The following NECTIN3 variants were observed in gnomAD, a reference collection of about 807,000 sequenced individuals.
The protein encoded by NECTIN3 is nectin cell adhesion molecule 3.
NECTIN3 carries 8 observed loss-of-function variants against 49.4 expected under a neutral mutation model. The observed-to-expected ratio is 0.16, with a 90% CI of 0.10 to 0.29. NECTIN3 has a LOEUF of 0.29. NECTIN3 is among the 10% of genes least tolerant of loss of function. The probability of loss-of-function intolerance (pLI) is 1.00; values close to 1 mark genes in which losing one functional copy is unlikely to be tolerated. For missense variants in NECTIN3, 581 were observed against 654.6 expected (o/e 0.89, Z 1.23); for synonymous variants, 277 against 241.1 (o/e 1.15, Z -1.38).
chr3:111,180,803 T>C (rs1206408163), intron 7 of NECTIN3, among the ~76,000 whole-genome samples: 1 of 152,220 alleles, frequency 6.6e-6, no homozygotes, highest in African/African-American at 2.4e-5. Context: ...TGTTGTAAAG[T>C]ATTTATTAAG....
chr3:111,073,137 G>A (rs889072382), intron 1 of NECTIN3: 1 of 152,370 alleles, frequency 6.6e-6, no homozygotes, highest in African/African-American at 2.4e-5. Flanking sequence ...TTGGTGGGAG[G>A]AGGAGTATCA....
rs190964435 is a variant in NECTIN3 at position 111,179,758 on chromosome 3, G to T, written c.1222-12593G>T. On this transcript the variant is annotated intron_variant, in intron 7 of 8. Transcript: ENST00000493615. ...AAATACAAAAAATTAGCTGAGTGTG[G>T]CGGCGGGACCTGTAGTCCAAGCTAC... Among the ~76,000 whole-genome samples, 819 of 152,004 alleles carry T rather than the reference G, an allele frequency of 5.4e-3. 7 individuals carry two copies. The highest frequency in any genetic ancestry group is 0.019 in the African/African-American group (778 of 41,462).
chr3:111,162,340 G>T (rs1425403710), intron 7 of NECTIN3, among the ~76,000 whole-genome samples: 1 of 152,192 alleles, frequency 6.6e-6, no homozygotes, highest in African/African-American at 2.4e-5. Flanking sequence ...GACCTGGTGG[G>T]AGGTAACTGA....
At chr3:111,118,977 T>C (rs1472436521) in intron 3 of NECTIN3, 25 bp downstream of exon 3, 1 of 1,519,000 alleles carries the variant, frequency 6.6e-7, no homozygotes, top group Non-Finnish European at 8.9e-7. Flanking sequence ...ACATTTACTT[T>C]TTAAATATTT....
chr3:111,142,123 C>T (rs865872331), downstream of NECTIN3, among the ~76,000 whole-genome samples: 6 of 151,870 alleles, frequency 4.0e-5, no homozygotes, highest in South Asian at 1.0e-3. Context: ...GATTCGAGCT[C>T]CTCCTTTGCT....
At chr3:111,158,508 C>T (rs564871897) in intron 7 of NECTIN3, among the ~76,000 whole-genome samples, 9 of 152,056 alleles carry the variant, frequency 5.9e-5, no homozygotes, top group Non-Finnish European at 7.4e-5. Context: ...ATGGAAACCA[C>T]AAATACCTTT....
Position 111,112,233 on chromosome 3 carries a change from T to C in NECTIN3, c.364T>C (p.Leu122=). The C allele has an allele frequency of 1.2e-6, 2 of 1,613,890 alleles. No homozygotes were observed. The highest frequency in any genetic ancestry group is 2.7e-5 in the African/African-American group (2 of 75,022). The change falls in exon 2 of 6, where the codon TTG becomes CTG. Residue 122 remains leucine (L), a synonymous_variant. Coordinates refer to ENST00000485303, the MANE Select transcript of NECTIN3 (RefSeq NM_015480.3). ...TCAAGGAGAATATCAGGGAAGAGTC[T>C]TGTTTAAAAATTACTCACTTAATGA... ...SVQGEYQGRV[L]FKNYSLNDAT...
intron 6 of NECTIN3, chr3:111,145,132 A>G (rs1045674033): frequency 7.4e-7 from 1 of 1,344,132 alleles, no homozygotes; most frequent in Non-Finnish European, 1.0e-6. Flanking sequence ...AACTTAAGGG[A>G]TAGAAGTAAG....
chr3:111,107,784 A>G (rs987570049), intron 1 of NECTIN3, among the ~76,000 whole-genome samples: 2 of 152,184 alleles, frequency 1.3e-5, no homozygotes, highest in Non-Finnish European at 1.5e-5. Context: ...ACTACAACAG[A>G]AAATCTGTTT....
chr3:111,138,672 T>A (rs1267485849), downstream of NECTIN3, among the ~76,000 whole-genome samples: 15 of 151,690 alleles, frequency 9.9e-5, no homozygotes. Context: ...CTTGTTTCAT[T>A]TGCCTTTTAA....
intron 3 of NECTIN3, 128 bp from the exon 4 acceptor site, chr3:111,121,993 A>T: frequency 1.6e-6 from 1 of 626,940 alleles, no homozygotes; most frequent in Non-Finnish European, 2.8e-6. Flanking sequence ...TTGATTATAC[A>T]TGTTGAGACT....
At chr3:111,113,389 T>C (rs1244951442) in intron 2 of NECTIN3, among the ~76,000 whole-genome samples, 2 of 152,160 alleles carry the variant, frequency 1.3e-5, no homozygotes, top group Non-Finnish European at 2.9e-5. Context: ...CCTTTTATAC[T>C]TCTCACATCA....
chr3:111,092,170 C>A (rs2107395093), intron 1 of NECTIN3, among the ~76,000 whole-genome samples: 1 of 152,200 alleles, frequency 6.6e-6, no homozygotes, highest in Non-Finnish European at 1.5e-5. Flanking sequence ...GTAAGAGGTT[C>A]CCCCCACCCC....
chr3:111,133,300 C>T (rs2034456822), intron 5 of NECTIN3, among the ~76,000 whole-genome samples: 1 of 151,662 alleles, frequency 6.6e-6, no homozygotes, highest in Non-Finnish European at 1.5e-5. Context: ...TGTAATAGGA[C>T]ACTTAAGTAA....
At chr3:111,089,455 A>G (rs2032130854) in intron 1 of NECTIN3, among the ~76,000 whole-genome samples, 1 of 143,664 alleles carries the variant, frequency 7.0e-6, no homozygotes. Context: ...ATACATACAC[A>G]CACATATATG....
At chr3:111,124,602 T>C (rs1166463516) in intron 4 of NECTIN3, among the ~76,000 whole-genome samples, 2 of 152,224 alleles carry the variant, frequency 1.3e-5, no homozygotes, top group African/African-American at 4.8e-5. Flanking sequence ...TGCTTTTGTT[T>C]TCGTTTTTTA....
chr3:111,163,785 GA>G (rs2035265945), intron 7 of NECTIN3, among the ~76,000 whole-genome samples: 1 of 152,112 alleles, frequency 6.6e-6, no homozygotes, highest in Middle Eastern at 3.4e-3. Context: ...ATGTCACAAT[GA>G]TTTTTTTTCT....
chr3:111,101,757 G>A (rs1392583133), intron 1 of NECTIN3, among the ~76,000 whole-genome samples: 1 of 152,120 alleles, frequency 6.6e-6, no homozygotes, highest in Admixed American at 6.6e-5. Context: ...GCTAGTGACT[G>A]AGACAGTACT....
chr3:111,158,822 C>A (rs1361525142), intron 7 of NECTIN3, among the ~76,000 whole-genome samples: 1 of 152,108 alleles, frequency 6.6e-6, no homozygotes, highest in Non-Finnish European at 1.5e-5. Flanking sequence ...CAGACGCAAA[C>A]AAAATTTGCA....
Sources: allele counts gnomAD v4.1 joint callset (sites outside exome capture counted in the v4.1 genomes callset), GRCh38; gene constraint gnomAD v4.1.1; transcripts MANE v1.5; gene names NCBI Gene and HGNC (gene_info 2026-07-23, HGNC 2026-07-21).